Variants in LBP observed in about 807,000 individuals in gnomAD.
LBP encodes the protein lipopolysaccharide binding protein, also known as lipopolysaccharide-binding protein.
Under a neutral mutation model 56.6 loss-of-function variants are expected in LBP, and 53 were observed. The ratio of observed to expected loss-of-function variants is 0.94; its 90% CI spans 0.75 to 1.18. The LOEUF is 1.18. LBP is among the 50% of genes most tolerant of loss of function. The pLI, the probability that LBP is intolerant of heterozygous loss-of-function variation, is 0.00. For missense variants in LBP, 601 were observed against 598.3 expected (o/e 1.00, Z -0.05); for synonymous variants, 227 against 247.5 (o/e 0.92, Z 0.78).
At chr20:38,356,985 A>G (rs2076843730) in intron 5 of LBP, among the ~76,000 whole-genome samples, 1 of 152,136 alleles carries the variant, frequency 6.6e-6, no homozygotes, top group African/African-American at 2.4e-5. Flanking sequence ...CCTCCCGAGT[A>G]TATGAGACCA....
chr20:38,360,753 T>C lies in LBP; in HGVS notation c.638T>C (p.Leu213Pro), dbSNP rs769210575. ...GTGTCCTCCGATCTACAGCCTTATC[T>C]CCAAACTCTGCCAGGTAGGACACCC... Reference protein sequence around the residue: ...KSVSSDLQPYLQTLPVTTEID... With the variant: ...KSVSSDLQPYPQTLPVTTEID... The change falls in exon 6 of 15, where the codon CTC becomes CCC. Residue 213 changes from leucine (L) to proline (P), a missense_variant. Leu to Pro is a moderately conservative substitution (Grantham distance 98). Coordinates refer to ENST00000217407, the MANE Select transcript of LBP (RefSeq NM_004139.5). 2.5e-6 allele frequency: 4 copies of C among 1,612,426 alleles called. No individual in the cohort carries two copies. The highest frequency in any genetic ancestry group is 3.4e-6 in the Non-Finnish European group (4 of 1,178,522).
intron 5 of LBP, among the ~76,000 whole-genome samples, chr20:38,355,889 A>G (rs184810800): frequency 4.8e-4 from 73 of 152,072 alleles, no homozygotes; most frequent in Middle Eastern, 3.4e-3. Context: ...GAGTATGTGA[A>G]ATCTTCAGAG....
rs199924705 is a variant in LBP at position 38,376,605 on chromosome 20, T to C, written c.1402-20T>C. On this transcript the variant is annotated intron_variant, in intron 14 of 14. Coordinates refer to ENST00000217407, the MANE Select transcript of LBP (RefSeq NM_004139.5). The stretch of plus-strand genomic sequence containing the variant: ...GTAGAGGATGCTCTTTACCATCCTG[T>C]CCTGTCCTGTTTTTCCTAGGACTTC... The C allele has an allele frequency of 6.2e-7, 1 of 1,611,720 alleles. No individual in the cohort carries two copies. The highest frequency in any genetic ancestry group is 1.3e-5 in the African/African-American group (1 of 74,998).
At chr20:38,368,640 C>T (rs968651014) in intron 9 of LBP, among the ~76,000 whole-genome samples, 14 of 152,176 alleles carry the variant, frequency 9.2e-5, no homozygotes, top group Admixed American at 2.6e-4. Context: ...TGTCCTTCAA[C>T]CCAGCAACTC....
At chr20:38,374,121 G>A in intron 14 of LBP, 108 bp downstream of exon 14, 1 of 1,167,808 alleles carries the variant, frequency 8.6e-7, no homozygotes, top group South Asian at 1.3e-5. Flanking sequence ...CCTGCAGCTG[G>A]GAAAGTCTGG....
chr20:38,354,412 TG>T lies in LBP; in HGVS notation c.499del (p.Glu167ArgfsTer12). On this transcript the variant is annotated frameshift_variant, in exon 4 of 15. Transcript: ENST00000217407. LOFTEE classifies it high-confidence loss of function. Reference protein sequence around the residue: ...ASSCSSDIADVEVDMSGDLGW... With the variant: ...ASSCSSDIADXEVDMSGDLGW... Reference sequence around the variant, plus strand: ...AGCTGCAGCAGTGACATCGCTGACGTGGAGGTGGACATGTCGGGAGACTTGG... The same window carrying T: ...AGCTGCAGCAGTGACATCGCTGACGTGAGGTGGACATGTCGGGAGACTTGG... 2 of 1,613,034 alleles carry T rather than the reference TG, an allele frequency of 1.2e-6. No individual in the cohort carries two copies. The highest frequency in any genetic ancestry group is 1.7e-6 in the Non-Finnish European group (2 of 1,179,812).
At chr20:38,353,506 T>G (rs2076827830) in intron 3 of LBP, among the ~76,000 whole-genome samples, 1 of 65,334 alleles carries the variant, frequency 1.5e-5, no homozygotes, top group African/African-American at 6.0e-5. Context: ...TTTTTTTTTT[T>G]TGCTACTGCC....
At chr20:38,361,168 GA>G (rs540710354) in intron 6 of LBP, among the ~76,000 whole-genome samples, 2,582 of 84,718 alleles carry the variant, frequency 0.03, 88 homozygotes, top group East Asian at 0.22. Flanking sequence ...TGTCTCAACA[GA>G]AAAAAAAAAA....
rs373640857 is a variant in LBP at position 38,354,296 on chromosome 20, C to A, written c.381C>A (p.Gly127=). 6.2e-7 allele frequency: 1 copy of A among 1,613,094 alleles called. No individual in the cohort carries two copies. Among genetic ancestry groups the A allele is most frequent in the South Asian group, 1.1e-5 (1 of 90,960 alleles). The change falls in exon 4 of 15, where the codon GGC becomes GGA. Residue 127 remains glycine (G), a synonymous_variant. Transcript: ENST00000217407. ...KVRKSFFKLQ[G]SFDVSVKGIS... ...TTACCTCCTCCAGCAAACTACAGGGCTCCTTTGATGTCAGTGTCAAGGGCA... is the reference window on the plus strand; with the variant it reads ...TTACCTCCTCCAGCAAACTACAGGGATCCTTTGATGTCAGTGTCAAGGGCA...
intron 5 of LBP, among the ~76,000 whole-genome samples, chr20:38,357,632 T>TA (rs2076845887): frequency 6.6e-6 from 1 of 152,182 alleles, no homozygotes; most frequent in African/African-American, 2.4e-5. Flanking sequence ...GGTGAGTTCA[T>TA]AAAGTGAAAG....
chr20:38,374,535 T>C (rs2076911365), intron 14 of LBP, among the ~76,000 whole-genome samples: 1 of 145,798 alleles, frequency 6.9e-6, no homozygotes, highest in Non-Finnish European at 1.5e-5. Context: ...AGGTGAAGGT[T>C]GCAGTGAGCC....
At chr20:38,360,819 A>G in intron 6 of LBP, 52 bp downstream of exon 6, 2 of 1,356,024 alleles carry the variant, frequency 1.5e-6, no homozygotes, top group East Asian at 4.6e-5. Flanking sequence ...AATTTCTATA[A>G]GAGCATATAT....
Position 38,364,574 on chromosome 20 carries a change from A to G in LBP, c.745-2A>G. On this transcript the variant is annotated splice_acceptor_variant, in intron 7 of 14. Coordinates refer to ENST00000217407, the MANE Select transcript of LBP (RefSeq NM_004139.5). LOFTEE classifies it high-confidence loss of function. ...CCAATTGGACCCTATTTCCCTCTCCAGGGTGAAATCTTTCATCGTAACCAC... is the reference window on the plus strand; with the variant it reads ...CCAATTGGACCCTATTTCCCTCTCCGGGGTGAAATCTTTCATCGTAACCAC... The G allele has an allele frequency of 6.2e-7, 1 of 1,613,954 alleles. No homozygotes were observed. The highest frequency in any genetic ancestry group is 8.5e-7 in the Non-Finnish European group (1 of 1,179,912).
intron 4 of LBP, 112 bp downstream of exon 4, chr20:38,354,551 A>G: frequency 1.1e-6 from 1 of 909,030 alleles, no homozygotes; most frequent in Non-Finnish European, 1.6e-6. Context: ...TTGCACAGGC[A>G]CTTGAAGATC....
intron 3 of LBP, among the ~76,000 whole-genome samples, chr20:38,353,773 G>A (rs973197033): frequency 1.1e-4 from 17 of 152,152 alleles, no homozygotes; most frequent in Middle Eastern, 6.8e-3. Flanking sequence ...TCTGATAGGC[G>A]AGAACTGGTG....
chr20:38,359,700 T>G (rs11536959), intron 5 of LBP, among the ~76,000 whole-genome samples: 2,746 of 152,294 alleles, frequency 0.018, 87 homozygotes, highest in African/African-American at 0.063. Flanking sequence ...TAGGCTTTCA[T>G]GTGGACTCCA....
chr20:38,349,712 C>A, intron 2 of LBP, 50 bp downstream of exon 2: 1 of 1,333,532 alleles, frequency 7.5e-7, no homozygotes, highest in Non-Finnish European at 1.0e-6. Flanking sequence ...AGCTGGCTGT[C>A]AGGGGGAATT....
intron 12 of LBP, among the ~76,000 whole-genome samples, chr20:38,372,033 A>G (rs1486098647): frequency 1.3e-5 from 2 of 152,224 alleles, no homozygotes; most frequent in Non-Finnish European, 2.9e-5. Context: ...TATCAAAACA[A>G]GAGGGATTGA....
chr20:38,364,497 G>A (rs747585167), intron 7 of LBP, 79 bp from the exon 8 acceptor site: 54 of 1,362,006 alleles, frequency 4.0e-5, no homozygotes, highest in Admixed American at 5.1e-5. Context: ...TCCCTTCATC[G>A]GACTGTGTAG....
Sources: allele counts gnomAD v4.1 joint callset (sites outside exome capture counted in the v4.1 genomes callset), GRCh38; gene constraint gnomAD v4.1.1; transcripts MANE v1.5; gene names NCBI Gene and HGNC (gene_info 2026-07-23, HGNC 2026-07-21).